The following SEMA3E variants were observed in gnomAD, a reference collection of about 807,000 sequenced individuals.
SEMA3E encodes semaphorin 3E.
Under a neutral mutation model 93.6 loss-of-function variants are expected in SEMA3E, and 49 were observed. The ratio of observed to expected loss-of-function variants is 0.52; its 90% CI spans 0.42 to 0.66. The LOEUF is 0.66. SEMA3E is among the 30% of genes least tolerant of loss of function. The probability of loss-of-function intolerance (pLI) is 0.00; values close to 1 mark genes in which losing one functional copy is unlikely to be tolerated. For synonymous variants in SEMA3E, 363 were observed against 330.7 expected (o/e 1.10, Z -1.06); for missense variants, 906 against 964.8 (o/e 0.94, Z 0.81).
chr7:83,517,252 A>G (rs2115671996), intron 1 of SEMA3E, among the ~76,000 whole-genome samples: 1 of 152,282 alleles, frequency 6.6e-6, no homozygotes, highest in East Asian at 1.9e-4. Flanking sequence ...ACTTTGCTCT[A>G]TGGCCTTTAC....
intron 4 of SEMA3E, among the ~76,000 whole-genome samples, chr7:83,457,228 CAGA>C (rs1202576961): frequency 6.6e-6 from 1 of 151,226 alleles, no homozygotes; most frequent in Non-Finnish European, 1.5e-5. Flanking sequence ...CAGAGACAGA[CAGA>C]GAGAGAGAGA....
chr7:83,451,902 A>G (rs1789368129), intron 4 of SEMA3E, among the ~76,000 whole-genome samples: 1 of 152,246 alleles, frequency 6.6e-6, no homozygotes, highest in African/African-American at 2.4e-5. Context: ...CTAAAGAGAC[A>G]TGAATGCTTG....
intron 1 of SEMA3E, among the ~76,000 whole-genome samples, chr7:83,520,875 A>G (rs1235668921): frequency 6.6e-6 from 1 of 152,166 alleles, no homozygotes; most frequent in African/African-American, 2.4e-5. Flanking sequence ...AATAAGCTGG[A>G]ATATTGCCAG....
chr7:83,542,086 T>C lies in SEMA3E; in HGVS notation c.116-51812A>G, dbSNP rs1486173954. Among the ~76,000 whole-genome samples, 24 of 151,950 alleles carry C rather than the reference T, an allele frequency of 1.6e-4. 1 individual carries two copies. The highest frequency in any genetic ancestry group is 1.5e-3 in the Admixed American group (23 of 15,228). On this transcript the variant is annotated intron_variant, in intron 1 of 16. Coordinates refer to ENST00000643230, the MANE Select transcript of SEMA3E (RefSeq NM_012431.3). ...GGCCAGACGCTATGGCTGACTCCTA[T>C]AATCTCAGTATTTTGGGAGGCCTAG...
chr7:83,589,770 G>T (rs1792716306), intron 1 of SEMA3E, among the ~76,000 whole-genome samples: 1 of 152,022 alleles, frequency 6.6e-6, no homozygotes, highest in African/African-American at 2.4e-5. Context: ...TTTGACTAAA[G>T]TTACACTTCA....
chr7:83,414,432 T>C (rs1357996780), intron 5 of SEMA3E, among the ~76,000 whole-genome samples: 1 of 152,082 alleles, frequency 6.6e-6, no homozygotes, highest in Non-Finnish European at 1.5e-5. Flanking sequence ...TCAATTGACA[T>C]TGACTTTTAA....
At chr7:83,520,587 G>A (rs933139384) in intron 1 of SEMA3E, among the ~76,000 whole-genome samples, 9 of 152,190 alleles carry the variant, frequency 5.9e-5, no homozygotes, top group African/African-American at 1.9e-4. Context: ...TGCAGCAGTA[G>A]AAGGTCAAAA....
chr7:83,419,998 T>A (rs1788640904), intron 4 of SEMA3E, among the ~76,000 whole-genome samples: 1 of 152,026 alleles, frequency 6.6e-6, no homozygotes, highest in Non-Finnish European at 1.5e-5. Flanking sequence ...GAAAAAGAAG[T>A]CAAACGATCT....
intron 4 of SEMA3E, among the ~76,000 whole-genome samples, chr7:83,459,802 A>G (rs543509707): frequency 2.0e-4 from 31 of 152,270 alleles, no homozygotes; most frequent in Admixed American, 4.6e-4. Context: ...ATGACATTCC[A>G]CCACAAAAGA....
chr7:83,594,210 A>C (rs1368283985), intron 1 of SEMA3E, among the ~76,000 whole-genome samples: 1 of 152,088 alleles, frequency 6.6e-6, no homozygotes, highest in Non-Finnish European at 1.5e-5. Flanking sequence ...TTTGCTTTTC[A>C]TATAACATTC....
At chr7:83,553,193 G>A (rs1014046078) in intron 1 of SEMA3E, among the ~76,000 whole-genome samples, 2 of 151,988 alleles carry the variant, frequency 1.3e-5, no homozygotes, top group African/African-American at 4.8e-5. Flanking sequence ...TTTATTTCTC[G>A]GCCAGCCGAC....
intron 2 of SEMA3E, among the ~76,000 whole-genome samples, chr7:83,479,766 A>C (rs1790104745): frequency 6.6e-6 from 1 of 152,192 alleles, no homozygotes; most frequent in African/African-American, 2.4e-5. Context: ...TGGGAGCCCT[A>C]ACAATGTGGC....
chr7:83,646,893 A>G (rs1020307357), intron 1 of SEMA3E, among the ~76,000 whole-genome samples: 6 of 152,208 alleles, frequency 3.9e-5, no homozygotes, highest in Admixed American at 3.9e-4. Flanking sequence ...ACTAGATATA[A>G]CAGAATTGTA....
intron 16 of SEMA3E, among the ~76,000 whole-genome samples, chr7:83,369,020 T>A (rs1029209721): frequency 5.9e-5 from 9 of 152,132 alleles, no homozygotes; most frequent in Non-Finnish European, 1.3e-4. Flanking sequence ...TAGGTGAGGA[T>A]TTTTTGCACA....
rs1042502030 is a variant in SEMA3E at position 83,497,941 on chromosome 7, T to A, written c.116-7667A>T. On this transcript the variant is annotated intron_variant, in intron 1 of 16. Coordinates refer to ENST00000643230, the MANE Select transcript of SEMA3E (RefSeq NM_012431.3). ...ATAATATAATTTATAATTTTCAGAT[T>A]CCTTGTGTTCTTATCATATGTAAAT... Among the ~76,000 whole-genome samples, 9 of 152,270 alleles carry A rather than the reference T, an allele frequency of 5.9e-5. No homozygotes were observed. The East Asian group carries it at 1.7e-3, about 29-fold the overall frequency.
At position 83,402,913 on chromosome 7, in the gene SEMA3E, G is replaced by A. The variant is rs184767654; in HGVS notation, c.999-137C>T. The A allele has an allele frequency of 3.9e-4, 307 of 791,842 alleles. No individual in the cohort carries two copies. In the African/African-American group the frequency reaches 4.4e-3, roughly 11 times the overall value. 49.1% of individuals were successfully genotyped at this position (791,842 alleles called of 1,614,324 possible). ...ATTTCTTTAAGCAAAGAATATTCTA[G>A]GTATGTTAATTATTGCAATATTTCC... On this transcript the variant is annotated intron_variant, in intron 9 of 16. Coordinates refer to ENST00000643230, the MANE Select transcript of SEMA3E (RefSeq NM_012431.3).
intron 4 of SEMA3E, among the ~76,000 whole-genome samples, chr7:83,424,668 T>C (rs1788734907): frequency 6.6e-6 from 1 of 152,186 alleles, no homozygotes; most frequent in African/African-American, 2.4e-5. Context: ...TATGTTACCT[T>C]ACATGGCAAA....
At chr7:83,440,813 A>G (rs1209437993) in intron 4 of SEMA3E, among the ~76,000 whole-genome samples, 1 of 152,036 alleles carries the variant, frequency 6.6e-6, no homozygotes, top group Non-Finnish European at 1.5e-5. Flanking sequence ...AAAAAAAAAA[A>G]AAAAAAGACA....
chr7:83,489,854 C>T (rs1412387646), intron 2 of SEMA3E, among the ~76,000 whole-genome samples: 2 of 152,066 alleles, frequency 1.3e-5, no homozygotes, highest in Admixed American at 1.3e-4. Flanking sequence ...GTGACAAGGG[C>T]CACCATGCAA....
Sources: allele counts gnomAD v4.1 joint callset (sites outside exome capture counted in the v4.1 genomes callset), GRCh38; gene constraint gnomAD v4.1.1; transcripts MANE v1.5; gene names NCBI Gene and HGNC (gene_info 2026-07-23, HGNC 2026-07-21).